Variants in CELF4 observed in about 807,000 individuals in gnomAD.
CELF4 encodes the protein CUGBP Elav-like family member 4, also known as CUG-BP- and ETR-3-like factor 4.
In CELF4, 18 loss-of-function variants were observed where a neutral mutation model predicts 59.9. The observed-to-expected ratio is 0.30, with a 90% confidence interval of 0.21 to 0.45. The LOEUF (loss-of-function observed/expected upper bound fraction) is 0.45. Among genes scored for constraint, CELF4 ranks in the 20% least tolerant of loss-of-function variants. CELF4 has a pLI of 1.00. For missense variants in CELF4, 456 were observed against 689.0 expected (o/e 0.66, Z 3.79); for synonymous variants, 261 against 267.1 (o/e 0.98, Z 0.22).
chr18:37,422,277 T>C (rs1040838511), intron 2 of CELF4, among the ~76,000 whole-genome samples: 1 of 152,196 alleles, frequency 6.6e-6, no homozygotes, highest in African/African-American at 2.4e-5. Context: ...CTCCCAACTA[T>C]GATGGCCAGT....
At chr18:37,467,969 TTGTG>T (rs2099812814) in intron 2 of CELF4, among the ~76,000 whole-genome samples, 1 of 151,996 alleles carries the variant, frequency 6.6e-6, no homozygotes, top group Admixed American at 6.5e-5. Context: ...ATGTACTCTG[TTGTG>T]TGTATGTGCG....
At chr18:37,547,624 G>A (rs1329048000) in intron 1 of CELF4, among the ~76,000 whole-genome samples, 1 of 152,200 alleles carries the variant, frequency 6.6e-6, no homozygotes, top group African/African-American at 2.4e-5. Flanking sequence ...AGTGCTCTCA[G>A]CAAATGCCTT....
chr18:37,535,388 A>C (rs549354331), intron 1 of CELF4, among the ~76,000 whole-genome samples: 1 of 152,190 alleles, frequency 6.6e-6, no homozygotes. Context: ...TCTGAAGACA[A>C]TTGCTCCTGT....
At chr18:37,250,629 G>A (rs947512128) in intron 12 of CELF4, among the ~76,000 whole-genome samples, 1 of 152,136 alleles carries the variant, frequency 6.6e-6, no homozygotes, top group Non-Finnish European at 1.5e-5. Flanking sequence ...ACCCTTTACT[G>A]GCCTGTGATA....
chr18:37,269,572 G>C (rs866117151), intron 8 of CELF4, among the ~76,000 whole-genome samples: 1 of 152,176 alleles, frequency 6.6e-6, no homozygotes, highest in Non-Finnish European at 1.5e-5. Flanking sequence ...CCTGCCTGCC[G>C]TGTGTGCCAA....
chr18:37,404,704 G>T (rs2099363510), intron 2 of CELF4, among the ~76,000 whole-genome samples: 1 of 152,180 alleles, frequency 6.6e-6, no homozygotes, highest in African/African-American at 2.4e-5. Context: ...AAAGCAGAGA[G>T]CCAGGATGGA....
chr18:37,332,045 C>T (rs1438452726), intron 2 of CELF4, among the ~76,000 whole-genome samples: 21 of 152,148 alleles, frequency 1.4e-4, no homozygotes, highest in Admixed American at 1.2e-3. Context: ...TCAGAGGTGA[C>T]TGGACAGAGG....
At chr18:37,447,795 T>A (rs994647845) in intron 2 of CELF4, among the ~76,000 whole-genome samples, 3 of 152,238 alleles carry the variant, frequency 2.0e-5, no homozygotes, top group Admixed American at 2.0e-4. Flanking sequence ...TGCCTGTCTT[T>A]TTGTGGGAGA....
intron 2 of CELF4, among the ~76,000 whole-genome samples, chr18:37,392,199 T>TGTGAGATG (rs1557405689): frequency 1.3e-5 from 2 of 152,174 alleles, no homozygotes; most frequent in African/African-American, 4.8e-5. Flanking sequence ...GGGGAAGAGC[T>TGTGAGATG]GTGAGCTGGT....
At chr18:37,348,516 G>A (rs2098348774) in intron 2 of CELF4, among the ~76,000 whole-genome samples, 1 of 152,152 alleles carries the variant, frequency 6.6e-6, no homozygotes, top group Non-Finnish European at 1.5e-5. Context: ...TCTGGGGCCA[G>A]GGGCTCAAGT....
At chr18:37,264,578 CT>C in intron 10 of CELF4, 95 bp downstream of exon 10, 1 of 1,055,308 alleles carries the variant, frequency 9.5e-7, no homozygotes, top group Non-Finnish European at 1.4e-6. Context: ...ACGTGGTCAC[CT>C]TTCCAACGCA....
At chr18:37,565,221 C>T in intron 1 of CELF4, 135 bp downstream of exon 1, 1 of 929,276 alleles carries the variant, frequency 1.1e-6, no homozygotes, top group Non-Finnish European at 1.6e-6. Flanking sequence ...CTCCGCTGCC[C>T]GAGCGCCTCC....
At chr18:37,277,202 C>G (rs191884429) in intron 3 of CELF4, among the ~76,000 whole-genome samples, 48 of 152,356 alleles carry the variant, frequency 3.2e-4, no homozygotes, top group African/African-American at 1.1e-3. Flanking sequence ...GTACCAGGTC[C>G]CAGCTCCTCG....
intron 1 of CELF4, among the ~76,000 whole-genome samples, chr18:37,518,348 G>A (rs1457735765): frequency 1.3e-5 from 2 of 152,198 alleles, no homozygotes; most frequent in Non-Finnish European, 2.9e-5. Context: ...GCGACACACA[G>A]CCCGTGGCTC....
At chr18:37,547,832 T>C (rs1181726834) in intron 1 of CELF4, among the ~76,000 whole-genome samples, 1 of 152,130 alleles carries the variant, frequency 6.6e-6, no homozygotes, top group Non-Finnish European at 1.5e-5. Flanking sequence ...TAAGGAGTGG[T>C]ATGTGAGTAT....
chr18:37,354,694 CTG>C (rs1319810578), intron 2 of CELF4, among the ~76,000 whole-genome samples: 1 of 152,140 alleles, frequency 6.6e-6, no homozygotes, highest in Non-Finnish European at 1.5e-5. Context: ...TGGGTGCACT[CTG>C]GGGTGAGCAG....
chr18:37,400,128 A>C (rs544892605), intron 2 of CELF4, among the ~76,000 whole-genome samples: 1 of 152,156 alleles, frequency 6.6e-6, no homozygotes, highest in Admixed American at 6.5e-5. Flanking sequence ...ACCTCATCCA[A>C]TCAGTTGAAA....
chr18:37,314,064 T>C (rs2096773840), intron 3 of CELF4, among the ~76,000 whole-genome samples: 1 of 152,158 alleles, frequency 6.6e-6, no homozygotes, highest in Admixed American at 6.5e-5. Context: ...AACCCTCTCA[T>C]GCCTTCCTCA....
intron 2 of CELF4, among the ~76,000 whole-genome samples, chr18:37,372,326 T>C (rs1246963755): frequency 1.3e-5 from 2 of 152,160 alleles, no homozygotes; most frequent in South Asian, 2.1e-4. Context: ...TTCATGTCCT[T>C]TGTAGGGACA....
Sources: allele counts gnomAD v4.1 joint callset (sites outside exome capture counted in the v4.1 genomes callset), GRCh38; gene constraint gnomAD v4.1.1; transcripts MANE v1.5; gene names NCBI Gene and HGNC (gene_info 2026-07-23, HGNC 2026-07-21).